The following PTCHD4 variants were observed in gnomAD, a reference collection of about 807,000 sequenced individuals.
The protein encoded by PTCHD4 is patched domain containing 4, also known as patched domain-containing protein 4.
Under a neutral mutation model 58.1 loss-of-function variants are expected in PTCHD4, and 33 were observed. The ratio of observed to expected loss-of-function variants is 0.57; its 90% confidence interval spans 0.43 to 0.76. PTCHD4 has a LOEUF of 0.76. Among genes scored for constraint, PTCHD4 ranks in the 30% least tolerant of loss-of-function variants. The pLI is 0.00. For missense variants in PTCHD4, 1,058 were observed against 1,027.1 expected (o/e 1.03, Z -0.41); for synonymous variants, 478 against 409.6 (o/e 1.17, Z -2.02).
At chr6:48,060,727 A>G (rs1283180390) in intron 3 of PTCHD4, among the ~76,000 whole-genome samples, 1 of 152,166 alleles carries the variant, frequency 6.6e-6, no homozygotes, top group African/African-American at 2.4e-5. Flanking sequence ...CACCCACCTC[A>G]GCCTCCCAAA....
At chr6:47,976,695 T>TAAATAAAA (rs1457684011) in intron 4 of PTCHD4, among the ~76,000 whole-genome samples, 4 of 148,280 alleles carry the variant, frequency 2.7e-5, no homozygotes, top group African/African-American at 5.0e-5. Flanking sequence ...AATAAATAAA[T>TAAATAAAA]AAAAATATAA....
intron 4 of PTCHD4, among the ~76,000 whole-genome samples, chr6:48,007,104 G>A (rs773552787): frequency 1.3e-5 from 2 of 152,122 alleles, no homozygotes; most frequent in African/African-American, 2.4e-5. Flanking sequence ...GCCAGGAGTG[G>A]TAGCCAGCAC....
chr6:48,037,078 G>A (rs1256640968), intron 3 of PTCHD4, among the ~76,000 whole-genome samples: 1 of 152,128 alleles, frequency 6.6e-6, no homozygotes, highest in Non-Finnish European at 1.5e-5. Context: ...AGTAGCCTAA[G>A]TCTCTGTCAC....
intron 4 of PTCHD4, among the ~76,000 whole-genome samples, chr6:47,970,851 C>T (rs956803408): frequency 6.6e-6 from 1 of 152,204 alleles, no homozygotes; most frequent in Non-Finnish European, 1.5e-5. Flanking sequence ...AGACTCTGTG[C>T]ACTGACTGAA....
chr6:47,963,225 C>T (rs1294393184), intron 4 of PTCHD4, among the ~76,000 whole-genome samples: 1 of 151,426 alleles, frequency 6.6e-6, no homozygotes, highest in African/African-American at 2.4e-5. Context: ...CACATGCCAA[C>T]AAATATATAT....
At chr6:48,076,391 T>C (rs1325704652) in intron 1 of PTCHD4, among the ~76,000 whole-genome samples, 1 of 152,226 alleles carries the variant, frequency 6.6e-6, no homozygotes, top group Non-Finnish European at 1.5e-5. Context: ...TCATAAATCA[T>C]AAATGTTCTA....
At chr6:48,092,087 C>T (rs929224251) in intron 1 of PTCHD4, among the ~76,000 whole-genome samples, 6 of 152,146 alleles carry the variant, frequency 3.9e-5, no homozygotes, top group Non-Finnish European at 7.3e-5. Context: ...TTTCATACAT[C>T]TGTCTTCTGT....
chr6:48,064,309 T>C (rs1764723937), intron 3 of PTCHD4, among the ~76,000 whole-genome samples: 1 of 152,034 alleles, frequency 6.6e-6, no homozygotes, highest in Non-Finnish European at 1.5e-5. Flanking sequence ...ACTAGCCAGG[T>C]GGAGAAGTGA....
chr6:47,994,425 A>G (rs1163940294), intron 4 of PTCHD4, among the ~76,000 whole-genome samples: 4 of 152,188 alleles, frequency 2.6e-5, no homozygotes, highest in African/African-American at 7.2e-5. Flanking sequence ...ACACAAAAAC[A>G]GCAAGTCTTG....
chr6:47,930,492 T>C (rs1006540420), intron 4 of PTCHD4, among the ~76,000 whole-genome samples: 2 of 152,214 alleles, frequency 1.3e-5, no homozygotes, highest in Admixed American at 1.3e-4. Flanking sequence ...TATATTTCTA[T>C]GTATTCCTAG....
At chr6:47,930,176 C>T (rs1765763877) in intron 4 of PTCHD4, among the ~76,000 whole-genome samples, 2 of 152,128 alleles carry the variant, frequency 1.3e-5, no homozygotes, top group Admixed American at 1.3e-4. Flanking sequence ...GGAGAAGCAG[C>T]ACATTGGGGT....
Position 48,059,374 on chromosome 6 carries a change from T to G in PTCHD4, c.417+8856A>C, listed in dbSNP as rs554770649. Reference sequence around the variant, plus strand: ...TTAAAAAATGGGCAGGGCGGGGTGGTTCACGCCTGTAATCCCAGCACTTTG... The same window carrying G: ...TTAAAAAATGGGCAGGGCGGGGTGGGTCACGCCTGTAATCCCAGCACTTTG... On this transcript the variant is annotated intron_variant, in intron 3 of 4. Coordinates refer to ENST00000339488, the MANE Select transcript of PTCHD4 (RefSeq NM_001384253.1). 2.6e-5 allele frequency among the ~76,000 whole-genome samples: 4 copies of G among 151,988 alleles called. No individual in the cohort carries two copies. The South Asian group carries it at 8.3e-4, about 32-fold the overall frequency.
At chr6:47,905,752 T>C (rs1365789984) in intron 4 of PTCHD4, among the ~76,000 whole-genome samples, 3 of 152,212 alleles carry the variant, frequency 2.0e-5, no homozygotes, top group Non-Finnish European at 4.4e-5. Flanking sequence ...CCCTCGATCA[T>C]GTCACTGAAC....
At chr6:48,028,230 A>G (rs1293136063) in intron 3 of PTCHD4, among the ~76,000 whole-genome samples, 6 of 151,956 alleles carry the variant, frequency 3.9e-5, no homozygotes, top group African/African-American at 9.7e-5. Flanking sequence ...GGCATGAGTC[A>G]CCACAATTGG....
chr6:48,049,951 A>T (rs568612247), intron 3 of PTCHD4, among the ~76,000 whole-genome samples: 1 of 152,028 alleles, frequency 6.6e-6, no homozygotes, highest in South Asian at 2.1e-4. Context: ...ATGTAAAACT[A>T]CATCAAATAT....
In PTCHD4 at chr6:47,871,715, G is replaced by A. The variant is rs528383228; in HGVS notation, c.*6588C>T. On this transcript the variant is annotated 3_prime_UTR_variant, in exon 5 of 5. Coordinates refer to ENST00000339488, the MANE Select transcript of PTCHD4 (RefSeq NM_001384253.1). ...ATTGCCATTTAATCAAAGATTGCAT[G>A]CCATTTTGTCTTTAAATACCCTTAT... 7.2e-5 allele frequency among the ~76,000 whole-genome samples: 11 copies of A among 151,752 alleles called. No homozygotes were observed. Among genetic ancestry groups the A allele is most frequent in the African/African-American group, 2.7e-4 (11 of 41,488 alleles).
intron 4 of PTCHD4, among the ~76,000 whole-genome samples, chr6:47,998,280 A>C (rs1768579379): frequency 6.6e-6 from 1 of 152,240 alleles, no homozygotes; most frequent in South Asian, 2.1e-4. Flanking sequence ...TGTGCTAGAT[A>C]AATTGATGTC....
chr6:48,097,800 A>G (rs1217274129), intron 1 of PTCHD4, among the ~76,000 whole-genome samples: 3 of 152,244 alleles, frequency 2.0e-5, no homozygotes, highest in African/African-American at 7.2e-5. Context: ...CAAAGCCATC[A>G]TAAATACAGA....
chr6:47,894,455 C>A (rs1764470068), intron 4 of PTCHD4, among the ~76,000 whole-genome samples: 1 of 152,156 alleles, frequency 6.6e-6, no homozygotes, highest in Non-Finnish European at 1.5e-5. Context: ...AACTAGATAA[C>A]CTTCAACAAG....
Sources: allele counts gnomAD v4.1 joint callset (sites outside exome capture counted in the v4.1 genomes callset), GRCh38; gene constraint gnomAD v4.1.1; transcripts MANE v1.5; gene names NCBI Gene and HGNC (gene_info 2026-07-23, HGNC 2026-07-21).